Variants in ZBTB26 observed in about 807,000 individuals in gnomAD.
The protein encoded by ZBTB26 is zinc finger and BTB domain containing 26.
ZBTB26 carries 12 observed loss-of-function variants against 31.6 expected under a neutral mutation model. The ratio of observed to expected loss-of-function variants is 0.38; its 90% CI spans 0.24 to 0.61. The LOEUF is 0.61. Ranked by LOEUF, ZBTB26 falls within the 20% of genes least tolerant of loss-of-function variation. The pLI is 0.60. For synonymous variants in ZBTB26, 155 were observed against 182.9 expected, an observed-to-expected ratio of 0.85 and a Z score of 1.23; for missense variants, 311 against 521.9, an observed-to-expected ratio of 0.60 and a Z score of 3.94.
intron 1 of ZBTB26, among the ~76,000 whole-genome samples, chr9:122,927,144 A>G (rs1255007538): frequency 2.6e-5 from 4 of 152,194 alleles, no homozygotes; most frequent in African/African-American, 9.6e-5. Flanking sequence ...TGCCTCAGTT[A>G]CTGAGATTAA....
intron 1 of ZBTB26, among the ~76,000 whole-genome samples, chr9:122,923,129 A>G (rs544528016): frequency 5.8e-4 from 86 of 148,376 alleles, no homozygotes; most frequent in Non-Finnish European, 9.5e-4. Flanking sequence ...GGTTGCAGTG[A>G]GCCGAGATTG....
chr9:122,923,603 C>T (rs879728234), intron 1 of ZBTB26, among the ~76,000 whole-genome samples: 5 of 152,176 alleles, frequency 3.3e-5, no homozygotes, highest in African/African-American at 4.8e-5. Flanking sequence ...AGTGGCCAAA[C>T]AAAAGTGGCA....
intron 1 of ZBTB26, among the ~76,000 whole-genome samples, chr9:122,921,516 G>A (rs2131536797): frequency 6.6e-6 from 1 of 152,330 alleles, no homozygotes; most frequent in South Asian, 2.1e-4. Flanking sequence ...CTTAACTTCT[G>A]TAACAATGGA....
intron 1 of ZBTB26, among the ~76,000 whole-genome samples, chr9:122,925,830 G>C (rs1183687818): frequency 6.7e-6 from 1 of 149,876 alleles, no homozygotes; most frequent in Non-Finnish European, 1.5e-5. Context: ...AAGTGCAATG[G>C]GCTTGCCGCA....
chr9:122,923,491 A>G (rs1310953759), intron 1 of ZBTB26, among the ~76,000 whole-genome samples: 2 of 152,230 alleles, frequency 1.3e-5, no homozygotes, highest in Non-Finnish European at 1.5e-5. Flanking sequence ...AACTATTATC[A>G]TTGGTCACTT....
At chr9:122,927,959 T>C (rs1833208469) in intron 1 of ZBTB26, among the ~76,000 whole-genome samples, 2 of 151,790 alleles carry the variant, frequency 1.3e-5, no homozygotes, top group African/African-American at 4.8e-5. Context: ...CTCAGCCTCC[T>C]GAGTAGCTAG....
chr9:122,917,128 CA>C lies in ZBTB26; in HGVS notation c.*1480del, dbSNP rs1345500862. ...TCTGCGATATTTTGTTGGCAAAATT[CA>C]GGTTGTCTCAGAAAGCCAACAGGGA... On this transcript the variant is annotated 3_prime_UTR_variant, in exon 2 of 2. Coordinates refer to ENST00000373656, the MANE Select transcript of ZBTB26 (RefSeq NM_020924.4). The C allele has an allele frequency of 8.5e-5, 13 of 152,174 alleles. No individual in the cohort carries two copies. The highest frequency in any genetic ancestry group is 4.1e-4 in the South Asian group (2 of 4,832). 9.4% of individuals were successfully genotyped at this position (152,174 alleles called of 1,614,324 possible). A position where few individuals can be genotyped will look rare whatever the true frequency, so the allele number is the denominator to read the frequency against.
At chr9:122,928,086 C>T (rs202070087) in intron 1 of ZBTB26, among the ~76,000 whole-genome samples, 8 of 152,286 alleles carry the variant, frequency 5.3e-5, no homozygotes, top group East Asian at 1.9e-4. Flanking sequence ...CCATCCGCCT[C>T]GGCCTCCCAA....
At chr9:122,921,117 C>T (rs760901167) in intron 1 of ZBTB26, among the ~76,000 whole-genome samples, 1 of 152,212 alleles carries the variant, frequency 6.6e-6, no homozygotes, top group African/African-American at 2.4e-5. Flanking sequence ...TTTCCCCAAA[C>T]TGTCTGCATA....
intron 1 of ZBTB26, among the ~76,000 whole-genome samples, chr9:122,925,463 G>A (rs901169984): frequency 3.3e-5 from 5 of 152,092 alleles, no homozygotes; most frequent in Admixed American, 6.6e-5. Context: ...TGTATATGAC[G>A]AAACTAAGCT....
In ZBTB26 at chr9:122,916,774, A is replaced by C. The variant is rs545675396; in HGVS notation, c.*1835T>G. On this transcript the variant is annotated 3_prime_UTR_variant, in exon 2 of 2. Transcript: ENST00000373656. ...TTTTAAATATTTGAACAAAAGACAA[A>C]AATCATACTTCACATCTGACTCACA... 1.3e-5 allele frequency: 2 copies of C among 152,314 alleles called. No individual in the cohort carries two copies. Among genetic ancestry groups the C allele is most frequent in the Non-Finnish European group, 2.9e-5 (2 of 68,012 alleles). 9.4% of individuals were successfully genotyped at this position (152,314 alleles called of 1,614,324 possible).
At position 122,918,131 on chromosome 9, in the gene ZBTB26, A is replaced by T. The variant is rs142225956; in HGVS notation, c.*478T>A. On this transcript the variant is annotated 3_prime_UTR_variant, in exon 2 of 2. Transcript: ENST00000373656. The stretch of plus-strand genomic sequence containing the variant: ...CAGATTCATTTATCAGACATGGAGG[A>T]ATAATCAATAGGCAACCAGAAGTTC... 5.1e-5 allele frequency: 8 copies of T among 157,074 alleles called. No homozygotes were observed. The highest frequency in any genetic ancestry group is 1.9e-4 in the African/African-American group (8 of 41,618). 9.7% of individuals were successfully genotyped at this position (157,074 alleles called of 1,614,324 possible). A position where few individuals can be genotyped will look rare whatever the true frequency, so the allele number is the denominator to read the frequency against.
In ZBTB26 at chr9:122,917,061, A is replaced by G. The variant is rs957166023; in HGVS notation, c.*1548T>C. The G allele has an allele frequency of 2.0e-5, 3 of 152,196 alleles. No homozygotes were observed. The East Asian group carries it at 5.8e-4, about 29-fold the overall frequency. 9.4% of individuals were successfully genotyped at this position (152,196 alleles called of 1,614,324 possible). On this transcript the variant is annotated 3_prime_UTR_variant, in exon 2 of 2. Coordinates refer to ENST00000373656, the MANE Select transcript of ZBTB26 (RefSeq NM_020924.4). ...CAAATCACTCACTTGGATGGGAAGA[A>G]TATAATATTCATCTAACTAAAAAAT...
At chr9:122,925,785 T>TC (rs1248579128) in intron 1 of ZBTB26, among the ~76,000 whole-genome samples, 1 of 149,340 alleles carries the variant, frequency 6.7e-6, no homozygotes, top group Non-Finnish European at 1.5e-5. Context: ...TTTTTTTTTT[T>TC]TGGAGACAGA....
At position 122,918,875 on chromosome 9, in the gene ZBTB26, G is replaced by A; in HGVS notation, c.1060C>T (p.His354Tyr). ...ACCATATCACAATAGTTACATTTATGGGGCTTATCTCCACTGTGAAGGTTA... is the reference window on the plus strand; with the variant it reads ...ACCATATCACAATAGTTACATTTATAGGGCTTATCTCCACTGTGAAGGTTA... ...HLNLHSGDKP[H>Y]KCNYCDMVFA... The change falls in exon 2 of 2, where the codon CAT (histidine) becomes TAT (tyrosine). Residue 354 changes from histidine (H) to tyrosine (Y), a missense_variant. By Grantham distance (83) the His-to-Tyr change is moderately conservative. Coordinates refer to ENST00000373656, the MANE Select transcript of ZBTB26 (RefSeq NM_020924.4). The A allele has an allele frequency of 6.2e-7, 1 of 1,614,132 alleles. No homozygotes were observed. The highest frequency in any genetic ancestry group is 8.5e-7 in the Non-Finnish European group (1 of 1,180,024).
chr9:122,929,044 G>A (rs1001133925), intron 1 of ZBTB26, among the ~76,000 whole-genome samples: 4 of 152,200 alleles, frequency 2.6e-5, no homozygotes, highest in Non-Finnish European at 5.9e-5. Context: ...ATGACTCCAA[G>A]ATATTTGGTT....
At position 122,918,554 on chromosome 9, in the gene ZBTB26, C is replaced by G. The variant is rs555277506; in HGVS notation, c.*55G>C. 1 of 1,561,186 alleles carries G rather than the reference C, an allele frequency of 6.4e-7. No homozygotes were observed. The highest frequency in any genetic ancestry group is 1.4e-5 in the African/African-American group (1 of 73,496). On this transcript the variant is annotated 3_prime_UTR_variant, in exon 2 of 2. Transcript: ENST00000373656. The stretch of plus-strand genomic sequence containing the variant: ...ACTAGCAAAATCACTCCTAAAAAGA[C>G]TAAGACTATTGCCACATTGTCAGTC...
intron 1 of ZBTB26, among the ~76,000 whole-genome samples, chr9:122,929,951 G>A (rs528951558): frequency 6.6e-6 from 1 of 151,872 alleles, no homozygotes; most frequent in East Asian, 1.9e-4. Flanking sequence ...ACACTTTATT[G>A]CCTACTGCTG....
rs185080048 is a variant in ZBTB26, at chr9:122,916,282, A to G, written c.*2327T>C. On this transcript the variant is annotated 3_prime_UTR_variant, in exon 2 of 2. Coordinates refer to ENST00000373656, the MANE Select transcript of ZBTB26 (RefSeq NM_020924.4). ...TTATTTCTAGTATAAAAGCAAATTG[A>G]GACTTTGTTTCACTAAGACCACATG... 6.6e-6 allele frequency: 1 copy of G among 152,242 alleles called. No individual in the cohort carries two copies. The highest frequency in any genetic ancestry group is 2.4e-5 in the African/African-American group (1 of 41,454). The allele number at this position is 152,242 out of a possible 1,614,324, so 9.4% of individuals were successfully genotyped here. A position where few individuals can be genotyped will look rare whatever the true frequency, so the allele number is the denominator to read the frequency against.
Sources: gnomAD v4.1 joint callset for allele counts (sites outside exome capture counted in the v4.1 genomes callset) on GRCh38, gnomAD v4.1.1 for gene constraint, MANE v1.5 for transcripts, NCBI Gene and HGNC (gene_info 2026-07-23, HGNC 2026-07-21) for gene names.